The following TLN2 variants were observed in gnomAD, a reference collection of about 807,000 sequenced individuals.
The protein encoded by TLN2 is talin 2.
A neutral mutation model predicts 294.7 loss-of-function variants in TLN2; 118 were observed. The ratio of observed to expected loss-of-function variants is 0.40; its 90% CI spans 0.34 to 0.47. TLN2 has a LOEUF of 0.47. TLN2 is among the 20% of genes least tolerant of loss of function. The pLI is 0.84. For synonymous variants in TLN2, 1,431 were observed against 1,304.5 expected (o/e 1.10, Z -2.09); for missense variants, 3,083 against 3,282.2 (o/e 0.94, Z 1.48).
chr15:62,546,553 T>A (rs1178727172), intron 1 of TLN2, among the ~76,000 whole-genome samples: 2 of 152,190 alleles, frequency 1.3e-5, no homozygotes, highest in Non-Finnish European at 2.9e-5. Flanking sequence ...GGAGATAGTC[T>A]TCCTGGGGGC....
At chr15:62,664,584 C>T (rs1176850535) in intron 9 of TLN2, among the ~76,000 whole-genome samples, 9 of 151,984 alleles carry the variant, frequency 5.9e-5, no homozygotes, top group Non-Finnish European at 1.2e-4. Flanking sequence ...GGCAGCTGGG[C>T]GCGTTGGCCC....
chr15:62,684,702 A>G (rs2141037238), intron 11 of TLN2, among the ~76,000 whole-genome samples: 1 of 152,108 alleles, frequency 6.6e-6, no homozygotes, highest in South Asian at 2.1e-4. Flanking sequence ...ACTGCAGTAG[A>G]CAGTCAGCTT....
At chr15:62,549,269 C>G (rs2042157511) in intron 1 of TLN2, among the ~76,000 whole-genome samples, 1 of 152,140 alleles carries the variant, frequency 6.6e-6, no homozygotes, top group African/African-American at 2.4e-5. Flanking sequence ...CAGATTAACA[C>G]TAATCACAAA....
At chr15:62,660,538 G>A (rs1403787168) in intron 9 of TLN2, among the ~76,000 whole-genome samples, 3 of 152,154 alleles carry the variant, frequency 2.0e-5, no homozygotes, top group Non-Finnish European at 4.4e-5. Flanking sequence ...CACCTTCAAA[G>A]GGTCCTAAGA....
intron 1 of TLN2, among the ~76,000 whole-genome samples, chr15:62,466,501 C>T (rs2037143669): frequency 6.6e-6 from 1 of 152,224 alleles, no homozygotes; most frequent in Non-Finnish European, 1.5e-5. Context: ...CAGCCAAAAA[C>T]GTCTCCAGAC....
intron 24 of TLN2, among the ~76,000 whole-genome samples, chr15:62,718,525 G>C (rs2059926417): frequency 1.3e-5 from 2 of 152,204 alleles, no homozygotes; most frequent in South Asian, 4.1e-4. Context: ...CTTTGCTTCT[G>C]ATGGAGCCCT....
rs1314462593 is a variant in TLN2, at chr15:62,712,119, A to G, written c.2634+42A>G. On this transcript the variant is annotated intron_variant, in intron 22 of 58. Coordinates refer to ENST00000636159, the MANE Select transcript of TLN2 (RefSeq NM_015059.3). Reference sequence around the variant, plus strand: ...GTTTGTATGAAAAGTGAACACTATTAAGTGTTAGGATTTGGAAGGTACTTT... The same window carrying G: ...GTTTGTATGAAAAGTGAACACTATTGAGTGTTAGGATTTGGAAGGTACTTT... 6 of 1,592,144 alleles carry G rather than the reference A, an allele frequency of 3.8e-6. No individual in the cohort carries two copies. In the South Asian group the frequency reaches 6.7e-5, roughly 18 times the overall value.
intron 40 of TLN2, among the ~76,000 whole-genome samples, chr15:62,766,018 C>G (rs948471416): frequency 6.6e-6 from 1 of 152,180 alleles, no homozygotes; most frequent in Non-Finnish European, 1.5e-5. Context: ...ATGACTGTTC[C>G]GCATGTCTAC....
At chr15:62,691,082 C>T (rs2057866654) in intron 12 of TLN2, among the ~76,000 whole-genome samples, 1 of 150,296 alleles carries the variant, frequency 6.7e-6, no homozygotes, top group African/African-American at 2.5e-5. Context: ...GTATGGGCTT[C>T]TTAAGATTTC....
Position 62,830,959 on chromosome 15 carries a change from T to C in TLN2, c.7003-2545T>C, listed in dbSNP as rs924595200. 4 of 151,922 alleles carry C rather than the reference T, an allele frequency of 2.6e-5. No homozygotes were observed. The South Asian group carries it at 8.3e-4, about 32-fold the overall frequency. 9.4% of individuals were successfully genotyped at this position (151,922 alleles called of 1,614,324 possible). A position where few individuals can be genotyped will look rare whatever the true frequency, so the allele number is the denominator to read the frequency against. On this transcript the variant is annotated intron_variant, in intron 54 of 58. Coordinates refer to ENST00000636159, the MANE Select transcript of TLN2 (RefSeq NM_015059.3). ...AAAAATAAAAATTCGTCAAAGAACATTACAACAGTTGCCATTACCAGAAAA... is the reference window on the plus strand; with the variant it reads ...AAAAATAAAAATTCGTCAAAGAACACTACAACAGTTGCCATTACCAGAAAA...
chr15:62,457,647 G>C (rs2036559530), intron 1 of TLN2, among the ~76,000 whole-genome samples: 1 of 152,204 alleles, frequency 6.6e-6, no homozygotes, highest in Non-Finnish European at 1.5e-5. Context: ...GCTGGTTTGT[G>C]TCGGGGTTTT....
intron 51 of TLN2, among the ~76,000 whole-genome samples, chr15:62,808,346 A>T (rs889171327): frequency 1.3e-5 from 2 of 152,166 alleles, no homozygotes; most frequent in Admixed American, 6.5e-5. Context: ...CCCTTAATGA[A>T]TATTATCTTC....
At chr15:62,766,230 CCT>C (rs982549910) in intron 40 of TLN2, 89 bp from the exon 41 acceptor site, 48 of 1,096,860 alleles carry the variant, frequency 4.4e-5, no homozygotes, top group Non-Finnish European at 6.0e-5. Flanking sequence ...CTTTGTGTGG[CCT>C]CTGTCATTTT....
intron 52 of TLN2, among the ~76,000 whole-genome samples, chr15:62,817,730 C>G (rs543242614): frequency 6.6e-6 from 1 of 151,674 alleles, no homozygotes. Context: ...GTGTGGGGCA[C>G]CAAGAAGGGA....
intron 21 of TLN2, among the ~76,000 whole-genome samples, chr15:62,711,334 G>A (rs754882021): frequency 4.6e-5 from 7 of 152,204 alleles, no homozygotes; most frequent in Non-Finnish European, 8.8e-5. Flanking sequence ...AAAAAAGGAT[G>A]AGCAGAGAGA....
intron 2 of TLN2, among the ~76,000 whole-genome samples, chr15:62,612,825 G>A (rs1596340134): frequency 2.0e-5 from 3 of 152,160 alleles, no homozygotes; most frequent in Non-Finnish European, 4.4e-5. Context: ...TGTATGAAAT[G>A]AACATTTGCT....
chr15:62,732,169 C>G (rs16945582), intron 28 of TLN2, among the ~76,000 whole-genome samples: 26,225 of 152,122 alleles, frequency 0.17, 2,698 homozygotes, highest in East Asian at 0.5. Context: ...TCAAAAATGT[C>G]TACACTTTCC....
chr15:62,717,808 C>G lies in TLN2; in HGVS notation c.2877+119C>G, dbSNP rs535903911. On this transcript the variant is annotated intron_variant, in intron 24 of 58. Coordinates refer to ENST00000636159, the MANE Select transcript of TLN2 (RefSeq NM_015059.3). ...TATCCAAGCTCCTAATCCAATTTGC[C>G]CCAGTTCCCATGTTCCAGGTGTCTA... is the stretch of plus-strand genomic sequence containing the variant. The G allele has an allele frequency of 1.2e-5, 8 of 690,002 alleles. No individual in the cohort carries two copies. The African/African-American group carries it at 1.5e-4, about 13-fold the overall frequency. The allele number at this position is 690,002 out of a possible 1,614,324, so 42.7% of individuals were successfully genotyped here. A position where few individuals can be genotyped will look rare whatever the true frequency, so the allele number is the denominator to read the frequency against.
intron 11 of TLN2, among the ~76,000 whole-genome samples, chr15:62,680,876 A>C (rs996190119): frequency 2.6e-5 from 4 of 152,324 alleles, no homozygotes; most frequent in South Asian, 2.1e-4. Context: ...AATGGCGTCC[A>C]GCTCCATCCA....
Sources: gnomAD v4.1 joint callset for allele counts (sites outside exome capture counted in the v4.1 genomes callset) on GRCh38, gnomAD v4.1.1 for gene constraint, MANE v1.5 for transcripts, NCBI Gene and HGNC (gene_info 2026-07-23, HGNC 2026-07-21) for gene names.